SLC10A7: variants seen among roughly 807,000 people sequenced by gnomAD.
The protein encoded by SLC10A7 is sodium/bile acid cotransporter 7.
Under a neutral mutation model 43.2 loss-of-function variants are expected in SLC10A7, and 29 were observed. The observed-to-expected ratio is 0.67, with a 90% confidence interval of 0.50 to 0.92. The LOEUF is 0.92. Among genes scored for constraint, SLC10A7 ranks in the 40% least tolerant of loss-of-function variants. The probability of loss-of-function intolerance (pLI) is 0.00; values close to 1 mark genes in which losing one functional copy is unlikely to be tolerated. For synonymous variants in SLC10A7, 152 were observed against 144.8 expected (o/e 1.05, Z -0.35); for missense variants, 295 against 403.2 (o/e 0.73, Z 2.30).
At chr4:146,396,481 A>G (rs79356881) in intron 5 of SLC10A7, among the ~76,000 whole-genome samples, 1,759 of 152,258 alleles carry the variant, frequency 0.012, 33 homozygotes, top group African/African-American at 0.04. Flanking sequence ...ACCCTAAATA[A>G]AGAAGGAATT....
At chr4:146,452,034 A>C (rs1185502845) in intron 4 of SLC10A7, among the ~76,000 whole-genome samples, 1 of 152,092 alleles carries the variant, frequency 6.6e-6, no homozygotes, top group Non-Finnish European at 1.5e-5. Flanking sequence ...AGCCACTTTT[A>C]GTCTAATTTT....
rs541006473 is a variant in SLC10A7 at position 146,460,696 on chromosome 4, G to T, written c.397-17875C>A. ...AGAGGAAGGGGAAAGAGCCATAAAAGAATTTTTTGTCCTGATGGCAATGTT... is the reference window on the plus strand; with the variant it reads ...AGAGGAAGGGGAAAGAGCCATAAAATAATTTTTTGTCCTGATGGCAATGTT... On this transcript the variant is annotated intron_variant, in intron 4 of 11. Coordinates refer to ENST00000335472, the MANE Select transcript of SLC10A7 (RefSeq NM_001029998.6). Among the ~76,000 whole-genome samples, 19 of 151,902 alleles carry T rather than the reference G, an allele frequency of 1.3e-4. No individual in the cohort carries two copies. In the East Asian group the frequency reaches 2.7e-3, roughly 22 times the overall value.
intron 6 of SLC10A7, among the ~76,000 whole-genome samples, chr4:146,315,606 CTA>C (rs1732274722): frequency 6.6e-6 from 1 of 152,048 alleles, no homozygotes. Flanking sequence ...GAAGTGTTTT[CTA>C]TGTTAGTAAT....
intron 7 of SLC10A7, among the ~76,000 whole-genome samples, chr4:146,294,795 A>G (rs751241725): frequency 1.3e-5 from 2 of 152,226 alleles, no homozygotes; most frequent in Non-Finnish European, 2.9e-5. Flanking sequence ...ATATAAAGTT[A>G]TAGAGCAATT....
intron 5 of SLC10A7, among the ~76,000 whole-genome samples, chr4:146,351,707 C>G (rs1353646714): frequency 6.6e-6 from 1 of 150,410 alleles, no homozygotes; most frequent in Non-Finnish European, 1.5e-5. Flanking sequence ...CCCTACAAGC[C>G]AGAAGAGAGT....
chr4:146,256,953 T>C, intron 11 of SLC10A7: 1 of 1,481,178 alleles, frequency 6.8e-7, no homozygotes, highest in South Asian at 1.2e-5. Context: ...AAAGGAAAAA[T>C]GAACAACAGT....
In SLC10A7 at chr4:146,305,908, T is replaced by A; in HGVS notation, c.555+18A>T. On this transcript the variant is annotated intron_variant, in intron 7 of 11. Coordinates refer to ENST00000335472, the MANE Select transcript of SLC10A7 (RefSeq NM_001029998.6). ...TTTGATCCATAAAGAAAAGATCAGATAGAATTGGAGGCCTTACCTGTCCAA... is the reference window on the plus strand; with the variant it reads ...TTTGATCCATAAAGAAAAGATCAGAAAGAATTGGAGGCCTTACCTGTCCAA... 6.3e-7 allele frequency: 1 copy of A among 1,575,816 alleles called. No homozygotes were observed. Among genetic ancestry groups the A allele is most frequent in the Non-Finnish European group, 8.6e-7 (1 of 1,161,326 alleles).
At chr4:146,355,782 C>T (rs868756015) in intron 5 of SLC10A7, among the ~76,000 whole-genome samples, 1 of 146,176 alleles carries the variant, frequency 6.8e-6, no homozygotes, top group Middle Eastern at 3.5e-3. Flanking sequence ...AGTAAACTAT[C>T]GCAAGAACAA....
intron 4 of SLC10A7, among the ~76,000 whole-genome samples, chr4:146,448,787 G>A (rs542725942): frequency 1.3e-5 from 2 of 152,136 alleles, no homozygotes; most frequent in Non-Finnish European, 2.9e-5. Flanking sequence ...AAACTTGGGA[G>A]AAGAATCCTG....
chr4:146,302,182 T>C (rs1731205992), intron 7 of SLC10A7, among the ~76,000 whole-genome samples: 1 of 152,212 alleles, frequency 6.6e-6, no homozygotes, highest in African/African-American at 2.4e-5. Context: ...CCTTAAATTA[T>C]TAGATGGAAT....
intron 4 of SLC10A7, among the ~76,000 whole-genome samples, chr4:146,481,347 TGC>T (rs1734457823): frequency 6.6e-6 from 1 of 152,200 alleles, no homozygotes; most frequent in Non-Finnish European, 1.5e-5. Flanking sequence ...AAGTCATTGC[TGC>T]ACTGTGCCCC....
rs1315571894 is a variant in SLC10A7 at position 146,301,847 on chromosome 4, GT to G, written c.555+4078del. ...GGGGCAGGTAGATGCAAGCATATAG[GT>G]TTCTCCTCGAAAAGAGTCATCAAAG... On this transcript the variant is annotated intron_variant, in intron 7 of 11. Transcript: ENST00000335472. Among the ~76,000 whole-genome samples the G allele has an allele frequency of 3.9e-5, 6 of 152,104 alleles. No homozygotes were observed. The East Asian group carries it at 1.2e-3, about 29-fold the overall frequency.
chr4:146,428,266 GTC>G (rs1446198478), intron 5 of SLC10A7, among the ~76,000 whole-genome samples: 2 of 152,144 alleles, frequency 1.3e-5, no homozygotes, highest in Non-Finnish European at 2.9e-5. Context: ...TTTCTTAAAA[GTC>G]TGTCTCTTCT....
intron 5 of SLC10A7, among the ~76,000 whole-genome samples, chr4:146,354,286 C>A (rs900512235): frequency 2.0e-5 from 3 of 151,776 alleles, no homozygotes; most frequent in Non-Finnish European, 4.4e-5. Context: ...CTCCCATTCA[C>A]AATTGCTTCA....
intron 7 of SLC10A7, among the ~76,000 whole-genome samples, chr4:146,305,616 T>C (rs1019272941): frequency 7.3e-5 from 11 of 151,128 alleles, no homozygotes; most frequent in Non-Finnish European, 1.6e-4. Flanking sequence ...ACTTGCTAGA[T>C]GTTTTCAAGG....
chr4:146,376,277 G>A (rs77836604), intron 5 of SLC10A7, among the ~76,000 whole-genome samples: 1 of 152,106 alleles, frequency 6.6e-6, no homozygotes, highest in Non-Finnish European at 1.5e-5. Context: ...CTCTTTGTCC[G>A]ATCTTATTGA....
chr4:146,493,200 T>C (rs776727848), intron 4 of SLC10A7, among the ~76,000 whole-genome samples: 3 of 152,156 alleles, frequency 2.0e-5, no homozygotes, highest in Non-Finnish European at 2.9e-5. Flanking sequence ...GATGCAAAAA[T>C]ATAAACATTA....
intron 1 of SLC10A7, among the ~76,000 whole-genome samples, chr4:146,519,145 A>G (rs1364790012): frequency 7.5e-6 from 1 of 133,240 alleles, no homozygotes; most frequent in Non-Finnish European, 1.6e-5. Flanking sequence ...TATTATGTAT[A>G]TAACATAATA....
At chr4:146,396,420 A>T (rs1472243631) in intron 5 of SLC10A7, among the ~76,000 whole-genome samples, 1 of 152,146 alleles carries the variant, frequency 6.6e-6, no homozygotes, top group East Asian at 1.9e-4. Flanking sequence ...TTATGGTATG[A>T]AAGTCAAAAG....
Sources: allele counts gnomAD v4.1 joint callset (sites outside exome capture counted in the v4.1 genomes callset), GRCh38; gene constraint gnomAD v4.1.1; transcripts MANE v1.5; gene names NCBI Gene and HGNC (gene_info 2026-07-23, HGNC 2026-07-21).